The following CFDP1 variants were observed in gnomAD, a reference collection of about 807,000 sequenced individuals.
CFDP1 encodes chromatin remodeling protein CFDP1.
Under a neutral mutation model 40.1 loss-of-function variants are expected in CFDP1, and 31 were observed. That is an observed-to-expected ratio of 0.77 (90% CI 0.58 to 1.04). The LOEUF (loss-of-function observed/expected upper bound fraction) is 1.04. CFDP1 is among the 50% of genes least tolerant of loss of function. The pLI is 0.00. For synonymous variants in CFDP1, 167 were observed against 120.0 expected (o/e 1.39, Z -2.56); for missense variants, 423 against 343.4 (o/e 1.23, Z -1.83).
intron 1 of CFDP1, 130 bp downstream of exon 1, chr16:75,433,159 C>G (rs2079445255): frequency 1.2e-6 from 1 of 801,530 alleles, no homozygotes; most frequent in Non-Finnish European, 2.0e-6. Flanking sequence ...CCTGAGGGAG[C>G]GGACGCTCGA....
At chr16:75,342,595 T>A (rs2078534442) in intron 5 of CFDP1, among the ~76,000 whole-genome samples, 1 of 152,188 alleles carries the variant, frequency 6.6e-6, no homozygotes, top group South Asian at 2.1e-4. Context: ...TGCCTGGCCC[T>A]GTACATCTGC....
chr16:75,324,259 A>G (rs1221025045), intron 5 of CFDP1, among the ~76,000 whole-genome samples: 1 of 152,140 alleles, frequency 6.6e-6, no homozygotes, highest in Non-Finnish European at 1.5e-5. Context: ...AGGATGAGAA[A>G]GAATTTGCCA....
chr16:75,359,417 T>C (rs1175414377), intron 5 of CFDP1, among the ~76,000 whole-genome samples: 1 of 152,126 alleles, frequency 6.6e-6, no homozygotes, highest in Non-Finnish European at 1.5e-5. Context: ...GGTTCCAAAA[T>C]AGCAAAGCTC....
At chr16:75,302,461 G>A (rs1160865356) in intron 6 of CFDP1, among the ~76,000 whole-genome samples, 1 of 152,212 alleles carries the variant, frequency 6.6e-6, no homozygotes, top group Non-Finnish European at 1.5e-5. Flanking sequence ...GTCTTGCTAT[G>A]TTGCCCAGGC....
rs1597363505 is a variant in CFDP1 at position 75,375,056 on chromosome 16, T to A, written c.650+20034A>T. On this transcript the variant is annotated intron_variant, in intron 5 of 6. Transcript: ENST00000283882. ...CACGCATATATTGCTTCTATGTTTC[T>A]AAAAAAAAAACCTAAATGTGTCCAT... Among the ~76,000 whole-genome samples the A allele has an allele frequency of 2.0e-5, 3 of 148,208 alleles. No individual in the cohort carries two copies. In the South Asian group the frequency reaches 6.4e-4, roughly 31 times the overall value.
At chr16:75,312,406 CA>C (rs2078298414) in intron 5 of CFDP1, among the ~76,000 whole-genome samples, 1 of 152,054 alleles carries the variant, frequency 6.6e-6, no homozygotes, top group African/African-American at 2.4e-5. Flanking sequence ...ACAGTGCCAG[CA>C]AAAAAAGTGC....
chr16:75,293,892 G>A lies in CFDP1; in HGVS notation c.*60C>T. Reference sequence around the variant, plus strand: ...GAGAAACACTGTAAAACATTTCACAGACGCACAAAAAGCTCACATTGTAAA... The same window carrying A: ...GAGAAACACTGTAAAACATTTCACAAACGCACAAAAAGCTCACATTGTAAA... On this transcript the variant is annotated 3_prime_UTR_variant, in exon 7 of 7. Coordinates refer to ENST00000283882, the MANE Select transcript of CFDP1 (RefSeq NM_006324.3). 1 of 1,366,000 alleles carries A rather than the reference G, an allele frequency of 7.3e-7. No individual in the cohort carries two copies. Among genetic ancestry groups the A allele is most frequent in the Non-Finnish European group, 1.0e-6 (1 of 959,606 alleles). The allele number at this position is 1,366,000 out of a possible 1,614,324, so 84.6% of individuals were successfully genotyped here.
At chr16:75,423,013 G>A (rs1358280554) in intron 1 of CFDP1, among the ~76,000 whole-genome samples, 2 of 151,814 alleles carry the variant, frequency 1.3e-5, no homozygotes, top group Admixed American at 6.6e-5. Flanking sequence ...GGGCGCAGTG[G>A]CTCACGCCTG....
chr16:75,321,552 G>C (rs972769222), intron 5 of CFDP1, among the ~76,000 whole-genome samples: 6 of 152,062 alleles, frequency 3.9e-5, no homozygotes, highest in Non-Finnish European at 7.4e-5. Flanking sequence ...TTCTGTTATT[G>C]TTTTGTTTTG....
chr16:75,384,880 A>AGCAGACCAAAAAC, intron 5 of CFDP1, among the ~76,000 whole-genome samples: 13 of 31,432 alleles, frequency 4.1e-4, no homozygotes, highest in African/African-American at 8.6e-4. Context: ...ATATATATAT[A>AGCAGACCAAAAAC]TATATATATA....
intron 5 of CFDP1, among the ~76,000 whole-genome samples, chr16:75,392,428 A>AC (rs1447064772): frequency 9.3e-6 from 1 of 107,440 alleles, no homozygotes. Context: ...AAACAAAGCA[A>AC]CAAAAAAAAA....
Position 75,293,795 on chromosome 16 carries a change from C to T in CFDP1, c.*157G>A. On this transcript the variant is annotated 3_prime_UTR_variant, in exon 7 of 7. Coordinates refer to ENST00000283882, the MANE Select transcript of CFDP1 (RefSeq NM_006324.3). The stretch of plus-strand genomic sequence containing the variant: ...TTTTTAAAAGTAAAGTGAATGAAAC[C>T]ATTTGTGATTAAGATACATAGACAG... 5.1e-6 allele frequency: 3 copies of T among 591,312 alleles called. No individual in the cohort carries two copies. The highest frequency in any genetic ancestry group is 1.9e-5 in the African/African-American group (1 of 53,032). The allele number at this position is 591,312 out of a possible 1,614,324, so 36.6% of individuals were successfully genotyped here.
At chr16:75,357,861 G>C (rs1350541179) in intron 5 of CFDP1, among the ~76,000 whole-genome samples, 1 of 152,184 alleles carries the variant, frequency 6.6e-6, no homozygotes, top group Non-Finnish European at 1.5e-5. Flanking sequence ...TTTGGTACAA[G>C]AGGCCTAGCT....
intron 5 of CFDP1, chr16:75,391,491 G>C (rs965005862): frequency 5.3e-5 from 8 of 152,154 alleles, no homozygotes; most frequent in African/African-American, 1.7e-4. Flanking sequence ...GGTCATAACA[G>C]TTTTTTAAAT....
intron 5 of CFDP1, among the ~76,000 whole-genome samples, chr16:75,319,885 C>A (rs1389385584): frequency 2.0e-5 from 3 of 152,206 alleles, no homozygotes; most frequent in Non-Finnish European, 4.4e-5. Flanking sequence ...CAATGGATTT[C>A]AACAAAGAAA....
chr16:75,325,011 T>C (rs369719290), intron 5 of CFDP1: 1 of 152,348 alleles, frequency 6.6e-6, no homozygotes, highest in African/African-American at 2.4e-5. Flanking sequence ...TTTGATGGCA[T>C]ATGGGAGTCT....
intron 1 of CFDP1, among the ~76,000 whole-genome samples, chr16:75,418,158 C>A (rs1365033191): frequency 7.0e-5 from 10 of 143,374 alleles, no homozygotes; most frequent in African/African-American, 2.6e-4. Flanking sequence ...GGAGCTGAGG[C>A]AGGAGAATTG....
chr16:75,324,345 T>A lies in CFDP1; in HGVS notation c.651-19163A>T, dbSNP rs530084243. Reference sequence around the variant, plus strand: ...ATGTGTGTGAATGCACTTAGCATAATGCCTGGTGCACAGCAGATCATCAAT... The same window carrying A: ...ATGTGTGTGAATGCACTTAGCATAAAGCCTGGTGCACAGCAGATCATCAAT... On this transcript the variant is annotated intron_variant, in intron 5 of 6. Coordinates refer to ENST00000283882, the MANE Select transcript of CFDP1 (RefSeq NM_006324.3). Among the ~76,000 whole-genome samples the A allele has an allele frequency of 4.6e-5, 7 of 152,288 alleles. No individual in the cohort carries two copies. In the East Asian group the frequency reaches 1.4e-3, roughly 29 times the overall value.
chr16:75,426,770 A>C (rs1045539634), intron 1 of CFDP1, among the ~76,000 whole-genome samples: 2 of 152,114 alleles, frequency 1.3e-5, no homozygotes, highest in African/African-American at 4.8e-5. Flanking sequence ...TATGTGACAA[A>C]GGAGCCGGGG....
Sources: allele counts gnomAD v4.1 joint callset (sites outside exome capture counted in the v4.1 genomes callset), GRCh38; gene constraint gnomAD v4.1.1; transcripts MANE v1.5; gene names NCBI Gene and HGNC (gene_info 2026-07-23, HGNC 2026-07-21).